Variants in MRPL10 observed in about 807,000 individuals in gnomAD.
The protein encoded by MRPL10 is large ribosomal subunit protein uL10m.
A neutral mutation model predicts 19.8 loss-of-function variants in MRPL10; 14 were observed. That is an observed-to-expected ratio of 0.71 (90% CI 0.47 to 1.11). The LOEUF is 1.11. MRPL10 is among the 50% of genes least tolerant of loss of function. MRPL10 has a pLI of 0.00. For missense variants in MRPL10, 318 were observed against 339.6 expected, an observed-to-expected ratio of 0.94 and a Z score of 0.50; for synonymous variants, 129 against 139.2, an observed-to-expected ratio of 0.93 and a Z score of 0.52.
At chr17:47,831,424 G>A in intron 1 of MRPL10, 36 bp downstream of exon 1, 1 of 1,547,694 alleles carries the variant, frequency 6.5e-7, no homozygotes, top group African/African-American at 1.4e-5. Context: ...GAGAGCGGCC[G>A]CAAGACACGC....
chr17:47,828,553 T>G lies in MRPL10; in HGVS notation c.170A>C (p.Lys57Thr), dbSNP rs2033573149. ...LMAVTEYIPP[K>T]PAIHPSCLPS... is the part of the protein sequence containing the mutation. ...CAGGCATGATGGGTGGATGGCTGGT[T>G]TCGGGGGGATATATTCAGTCACAGC... The change falls in exon 2 of 5, where the codon AAA becomes ACA. Residue 57 changes from lysine to threonine, a missense_variant. By Grantham distance (78) the Lys-to-Thr change is moderately conservative. Transcript: ENST00000351111. 3.4e-6 allele frequency: 5 copies of G among 1,491,432 alleles called. No homozygotes were observed. Among genetic ancestry groups the G allele is most frequent in the Non-Finnish European group, 4.4e-6 (5 of 1,124,070 alleles). The allele number at this position is 1,491,432 out of a possible 1,614,324, so 92.4% of individuals were successfully genotyped here.
intron 3 of MRPL10, 33 bp from the exon 4 acceptor site, chr17:47,826,814 G>C (rs1340935210): frequency 6.2e-7 from 1 of 1,613,350 alleles, no homozygotes; most frequent in Non-Finnish European, 8.5e-7. Context: ...GCTTATCGGG[G>C]ACAAGTGGGA....
Position 47,824,267 on chromosome 17 carries a change from C to T in MRPL10, c.724G>A (p.Glu242Lys), listed in dbSNP as rs368901192. The T allele has an allele frequency of 1.3e-4, 210 of 1,614,046 alleles. 2 individuals carry two copies. The highest frequency in any genetic ancestry group is 1.2e-3 in the South Asian group (108 of 91,084). The change falls in exon 5 of 5, where the codon GAG becomes AAG. Residue 242 changes from glutamate (E) to lysine (K), a missense_variant. Coordinates refer to ENST00000351111, the MANE Select transcript of MRPL10 (RefSeq NM_145255.4). ...LLDQYIREQR[E>K]KDSVMSANGK... ...TTGGCCGACATGACAGAATCCTTCT[C>T]GCGTTGCTCTCTGATGTACTGGTCC...
At chr17:47,831,231 G>A in intron 1 of MRPL10, 1 of 1,172,978 alleles carries the variant, frequency 8.5e-7, no homozygotes, top group Non-Finnish European at 1.2e-6. Flanking sequence ...GAGACATAAT[G>A]CAAAGGTCTG....
chr17:47,827,894 C>CAAAAAAAAA (rs60303077), intron 2 of MRPL10, among the ~76,000 whole-genome samples: 5 of 45,712 alleles, frequency 1.1e-4, no homozygotes, highest in African/African-American at 4.1e-4. Context: ...CTCTGTCTCA[C>CAAAAAAAAA]AAAAAAAAAA....
In MRPL10 at chr17:47,824,377, C is replaced by G. The variant is rs1451651761; in HGVS notation, c.614G>C (p.Gly205Ala). ...SKLPSLPLVQGELVGGLTCLT... is the reference protein window; with the variant it reads ...SKLPSLPLVQAELVGGLTCLT... ...GCAGGTGAGGCCTCCTACAAGCTCCCCCTGCACCAGGGGCAGGCTGGGGAG... is the reference window on the plus strand; with the variant it reads ...GCAGGTGAGGCCTCCTACAAGCTCCGCCTGCACCAGGGGCAGGCTGGGGAG... The change falls in exon 5 of 5, where the codon GGG (glycine) becomes GCG (alanine). Residue 205 changes from glycine to alanine, a missense_variant. Coordinates refer to ENST00000351111, the MANE Select transcript of MRPL10 (RefSeq NM_145255.4). The G allele has an allele frequency of 2.5e-6, 4 of 1,609,430 alleles. No individual in the cohort carries two copies. Among genetic ancestry groups the G allele is most frequent in the Non-Finnish European group, 3.4e-6 (4 of 1,176,916 alleles).
rs11538868 is a variant in MRPL10, at chr17:47,827,054, C to T, written c.373G>A (p.Val125Ile). 553,150 of 1,611,434 alleles carry T rather than the reference C, an allele frequency of 0.34. 102,695 individuals carry two copies. The highest frequency in any genetic ancestry group is 0.38 in the Non-Finnish European group (453,716 of 1,178,518). Residue 125 changes from valine to isoleucine, a missense_variant, in exon 3 of 5, where the codon GTC becomes ATC. Physicochemically the swap from Val to Ile is conservative, Grantham distance 29. Transcript: ENST00000351111. ...QLRKHKILMK[V>I]FPNQVLKPFL... ...CTGCTCCCTACCTGGTTGGGGAAGA[C>T]CTTCATCAGGATCTTGTGTTTCCGC...
intron 1 of MRPL10, 50 bp from the exon 2 acceptor site, chr17:47,828,720 A>C: frequency 6.9e-7 from 1 of 1,440,686 alleles, no homozygotes; most frequent in Non-Finnish European, 9.1e-7. Flanking sequence ...TGGAGGCCCT[A>C]GTTTATCCCA....
chr17:47,823,975 T>C lies in MRPL10; in HGVS notation c.*230A>G. The stretch of plus-strand genomic sequence containing the variant: ...TTGGACCTGGAGAATGGAGAGACTT[T>C]GCTCCTATCACGTCCCAAGTTGGGA... On this transcript the variant is annotated 3_prime_UTR_variant, in exon 5 of 5. Coordinates refer to ENST00000351111, the MANE Select transcript of MRPL10 (RefSeq NM_145255.4). 1 of 575,696 alleles carries C rather than the reference T, an allele frequency of 1.7e-6. No individual in the cohort carries two copies. The highest frequency in any genetic ancestry group is 3.1e-6 in the Non-Finnish European group (1 of 325,650). The allele number at this position is 575,696 out of a possible 1,614,324, so 35.7% of individuals were successfully genotyped here. A position where few individuals can be genotyped will look rare whatever the true frequency, so the allele number is the denominator to read the frequency against.
chr17:47,823,490 T>C lies in MRPL10; in HGVS notation c.*715A>G, dbSNP rs2017884. 3 of 152,058 alleles carry C rather than the reference T, an allele frequency of 2.0e-5. No homozygotes were observed. In the South Asian group the frequency reaches 6.2e-4, roughly 32 times the overall value. 9.4% of individuals were successfully genotyped at this position (152,058 alleles called of 1,614,324 possible). On this transcript the variant is annotated 3_prime_UTR_variant, in exon 5 of 5. Transcript: ENST00000351111. ...TATATTTCATTTTATTATAAAGCAG[T>C]GCTCCCAAACTTTTCACAGCGTACA...
At chr17:47,824,507 T>C in intron 4 of MRPL10, 49 bp from the exon 5 acceptor site, 1 of 1,501,298 alleles carries the variant, frequency 6.7e-7, no homozygotes, top group Non-Finnish European at 8.8e-7. Context: ...GCCTTTCTTC[T>C]CTGAAAACAA....
At chr17:47,827,749 T>C (rs958564167) in intron 2 of MRPL10, among the ~76,000 whole-genome samples, 9 of 151,162 alleles carry the variant, frequency 6.0e-5, no homozygotes, top group African/African-American at 2.2e-4. Flanking sequence ...ATACAAAAAA[T>C]TAGCTGAGCA....
At chr17:47,826,081 A>C (rs1345562776) in intron 4 of MRPL10, among the ~76,000 whole-genome samples, 2 of 147,264 alleles carry the variant, frequency 1.4e-5, no homozygotes, top group Non-Finnish European at 3.0e-5. Context: ...CAGGAGACAG[A>C]GGTTGCAGTG....
rs2033548373 is a variant in MRPL10, at chr17:47,827,185, A to G, written c.242T>C (p.Leu81Pro). 1 of 1,611,352 alleles carries G rather than the reference A, an allele frequency of 6.2e-7. No homozygotes were observed. The highest frequency in any genetic ancestry group is 8.5e-7 in the Non-Finnish European group (1 of 1,178,570). The change falls in exon 3 of 5, where the codon CTT (leucine) becomes CCT (proline). Residue 81 changes from leucine to proline, a missense_variant. Coordinates refer to ENST00000351111, the MANE Select transcript of MRPL10 (RefSeq NM_145255.4). ...AACTGCTGCTATCTCCCGGCGGAGA[A>G]GCCTGATGAGGCCTATCTCCTGAAG... ...PPQEEIGLIR[L>P]LRREIAAVFQ...
Position 47,824,415 on chromosome 17 carries a change from G to C in MRPL10, c.576C>G (p.Ile192Met). 1 of 1,580,958 alleles carries C rather than the reference G, an allele frequency of 6.3e-7. No homozygotes were observed. The highest frequency in any genetic ancestry group is 1.2e-5 in the South Asian group (1 of 86,756). Residue 192 changes from isoleucine to methionine, a missense_variant, in exon 5 of 5, where the codon ATC becomes ATG. By Grantham distance (10) the Ile-to-Met change is conservative. Coordinates refer to ENST00000351111, the MANE Select transcript of MRPL10 (RefSeq NM_145255.4). ...DDTILSRQGF[I>M]NYSKLPSLPL... is the part of the protein sequence containing the mutation. The stretch of plus-strand genomic sequence containing the variant: ...GCAGGCTGGGGAGCTTGGAGTAGTT[G>C]ATAAAGCCCTGCCTGCTGAGGATGG...
Position 47,823,952 on chromosome 17 carries a change from G to T in MRPL10, c.*253C>A. 1 of 525,426 alleles carries T rather than the reference G, an allele frequency of 1.9e-6. No homozygotes were observed. The highest frequency in any genetic ancestry group is 2.1e-5 in the South Asian group (1 of 47,942). The allele number at this position is 525,426 out of a possible 1,614,324, so 32.5% of individuals were successfully genotyped here. ...CCTATCTTTTCAGGATCTCTGCCTT[G>T]GACCTGGAGAATGGAGAGACTTTGC... On this transcript the variant is annotated 3_prime_UTR_variant, in exon 5 of 5. Transcript: ENST00000351111.
intron 2 of MRPL10, among the ~76,000 whole-genome samples, chr17:47,828,065 T>C (rs962923156): frequency 2.6e-5 from 4 of 151,692 alleles, no homozygotes; most frequent in Non-Finnish European, 5.9e-5. Context: ...TAGTCAGGCA[T>C]GGTGGTACAT....
chr17:47,827,274 G>A (rs2033550313), intron 2 of MRPL10, 70 bp from the exon 3 acceptor site: 1 of 1,450,296 alleles, frequency 6.9e-7, no homozygotes, highest in South Asian at 1.3e-5. Context: ...CTCCCTCTGT[G>A]GTAGGTTCTA....
At chr17:47,829,241 GCA>G (rs1372754608) in intron 1 of MRPL10, 1 of 151,866 alleles carries the variant, frequency 6.6e-6, no homozygotes, top group Non-Finnish European at 1.4e-5. Context: ...TCTAGCCTGG[GCA>G]CAGAGTAAGA....
Sources: gnomAD v4.1 joint callset for allele counts (sites outside exome capture counted in the v4.1 genomes callset) on GRCh38, gnomAD v4.1.1 for gene constraint, MANE v1.5 for transcripts, NCBI Gene and HGNC (gene_info 2026-07-23, HGNC 2026-07-21) for gene names.